Variants in DAB1 observed in about 807,000 individuals in gnomAD.
DAB1 encodes the protein disabled homolog 1.
A neutral mutation model predicts 64.6 loss-of-function variants in DAB1; 15 were observed. The ratio of observed to expected loss-of-function variants is 0.23; its 90% confidence interval spans 0.16 to 0.36. DAB1 has a LOEUF of 0.36. DAB1 is among the 10% of genes least tolerant of loss of function. The probability of loss-of-function intolerance (pLI) is 1.00; values close to 1 mark genes in which losing one functional copy is unlikely to be tolerated. For synonymous variants in DAB1, 235 were observed against 251.9 expected (o/e 0.93, Z 0.64); for missense variants, 596 against 706.7 (o/e 0.84, Z 1.78).
At chr1:58,124,745 T>C (rs1435957017) in intron 5 of DAB1, among the ~76,000 whole-genome samples, 2 of 152,206 alleles carry the variant, frequency 1.3e-5, no homozygotes, top group African/African-American at 4.8e-5. Context: ...TAGGCCAGTG[T>C]CTTTGCATTT....
intron 4 of DAB1, among the ~76,000 whole-genome samples, chr1:58,314,206 T>C (rs1662499291): frequency 6.6e-6 from 1 of 152,042 alleles, no homozygotes; most frequent in South Asian, 2.1e-4. Context: ...CCCAGAAACC[T>C]TTGTCTCATG....
chr1:58,508,957 C>A lies in DAB1; in HGVS notation n.108-2748G>T, dbSNP rs757813854. Among the ~76,000 whole-genome samples, 7 of 152,124 alleles carry A rather than the reference C, an allele frequency of 4.6e-5. No homozygotes were observed. The South Asian group carries it at 1.5e-3, about 32-fold the overall frequency. ...GCACTGATAGGACCCAGCATATGGA[C>A]CAGATGGACCAGACAGGACCCTAGA... On this transcript the variant is annotated intron_variant and non_coding_transcript_variant, in intron 2 of 20. Transcript: ENST00000485760.
chr1:57,385,526 G>C (rs1681736093), intron 1 of DAB1, among the ~76,000 whole-genome samples: 2 of 152,150 alleles, frequency 1.3e-5, no homozygotes, highest in African/African-American at 4.8e-5. Flanking sequence ...TGATATGTAG[G>C]AAAATGAGAC....
chr1:57,320,064 A>G (rs1427964562), intron 1 of DAB1, among the ~76,000 whole-genome samples: 1 of 152,180 alleles, frequency 6.6e-6, no homozygotes, highest in Non-Finnish European at 1.5e-5. Context: ...ATATCCGATA[A>G]CAAATGGCTT....
chr1:57,889,911 A>T (rs201602583), intron 5 of DAB1, among the ~76,000 whole-genome samples: 5 of 40,250 alleles, frequency 1.2e-4, no homozygotes, highest in Admixed American at 2.9e-4. Flanking sequence ...GGGGGGGGGG[A>T]GGGGGAAGAA....
At chr1:57,635,371 G>A (rs1296577461) in intron 7 of DAB1, among the ~76,000 whole-genome samples, 1 of 152,164 alleles carries the variant, frequency 6.6e-6, no homozygotes, top group African/African-American at 2.4e-5. Flanking sequence ...AGCTTCATCT[G>A]TATTTACAGC....
At chr1:58,242,681 C>CA (rs1395200365) in intron 4 of DAB1, among the ~76,000 whole-genome samples, 1 of 152,034 alleles carries the variant, frequency 6.6e-6, no homozygotes, top group East Asian at 1.9e-4. Flanking sequence ...CAACCAATGT[C>CA]AGTGCTGGTC....
chr1:58,168,127 A>G (rs1655964355), intron 4 of DAB1, among the ~76,000 whole-genome samples: 1 of 152,208 alleles, frequency 6.6e-6, no homozygotes, highest in Admixed American at 6.5e-5. Context: ...TCAGCCAGTT[A>G]AAAGAGACTA....
At chr1:57,991,084 C>T (rs1025187276) in intron 5 of DAB1, among the ~76,000 whole-genome samples, 3 of 152,224 alleles carry the variant, frequency 2.0e-5, no homozygotes, top group Non-Finnish European at 4.4e-5. Flanking sequence ...TGTTACTTCT[C>T]TCTCACGCTT....
intron 5 of DAB1, among the ~76,000 whole-genome samples, chr1:58,011,272 T>C (rs1006396225): frequency 1.3e-5 from 2 of 152,246 alleles, no homozygotes; most frequent in Non-Finnish European, 2.9e-5. Flanking sequence ...ATAAGTATTC[T>C]TGTATTGGCC....
intron 3 of DAB1, among the ~76,000 whole-genome samples, chr1:58,396,064 TAC>T (rs976659308): frequency 7.4e-5 from 11 of 147,742 alleles, no homozygotes; most frequent in African/African-American, 2.7e-4. Flanking sequence ...TCCTGTCTGT[TAC>T]AGTGTCTCTT....
At chr1:57,757,201 T>TCAGAA (rs1648852144) in intron 6 of DAB1, among the ~76,000 whole-genome samples, 1 of 86,010 alleles carries the variant, frequency 1.2e-5, no homozygotes, top group Non-Finnish European at 2.0e-5. Context: ...GGGCAGAATT[T>TCAGAA]TTTTTTTTTT....
At chr1:57,459,233 T>G (rs1182289059) in intron 7 of DAB1, among the ~76,000 whole-genome samples, 1 of 152,204 alleles carries the variant, frequency 6.6e-6, no homozygotes, top group Non-Finnish European at 1.5e-5. Context: ...ACACTATGCA[T>G]ATTTTTACTT....
chr1:57,643,063 A>G (rs190533612), intron 7 of DAB1, among the ~76,000 whole-genome samples: 24 of 152,322 alleles, frequency 1.6e-4, no homozygotes, highest in Non-Finnish European at 2.4e-4. Context: ...TCACATATAA[A>G]TGTGTGCAGG....
intron 4 of DAB1, among the ~76,000 whole-genome samples, chr1:58,151,378 T>G (rs965284465): frequency 6.6e-6 from 1 of 152,196 alleles, no homozygotes; most frequent in African/African-American, 2.4e-5. Context: ...TTTTAATGAT[T>G]GCCATTCTAA....
chr1:57,366,064 C>T (rs1679972012), intron 1 of DAB1, among the ~76,000 whole-genome samples: 1 of 152,186 alleles, frequency 6.6e-6, no homozygotes, highest in African/African-American at 2.4e-5. Context: ...ATACAATTTT[C>T]CTGTCCAAAT....
At chr1:57,121,117 G>A (rs12129764) in intron 4 of DAB1, among the ~76,000 whole-genome samples, 34 of 141,714 alleles carry the variant, frequency 2.4e-4, no homozygotes, top group Admixed American at 1.2e-3. Flanking sequence ...AAGAAGAAGA[G>A]GAAGAAGAAG....
intron 1 of DAB1, among the ~76,000 whole-genome samples, chr1:57,873,041 C>A (rs1026780430): frequency 1.3e-5 from 2 of 152,036 alleles, no homozygotes; most frequent in Non-Finnish European, 2.9e-5. Flanking sequence ...CTACAGTGTT[C>A]AGCCTCCAGA....
intron 7 of DAB1, among the ~76,000 whole-genome samples, chr1:57,626,371 AC>A (rs1222806853): frequency 6.6e-6 from 1 of 152,200 alleles, no homozygotes; most frequent in Non-Finnish European, 1.5e-5. Context: ...CTAGAAGATG[AC>A]CATACTCACA....
Sources: allele counts gnomAD v4.1 joint callset (sites outside exome capture counted in the v4.1 genomes callset), GRCh38; gene constraint gnomAD v4.1.1; transcripts MANE v1.5; gene names NCBI Gene and HGNC (gene_info 2026-07-23, HGNC 2026-07-21).